The following PSMA1 variants were observed in gnomAD, a reference collection of about 807,000 sequenced individuals.
PSMA1 encodes the protein proteasome subunit alpha type-1.
In PSMA1, 3 loss-of-function variants were observed where a neutral mutation model predicts 38.4. That is an observed-to-expected ratio of 0.08 (90% confidence interval 0.04 to 0.20). The LOEUF is 0.20. PSMA1 is among the 10% of genes least tolerant of loss of function. PSMA1 has a pLI of 1.00. For synonymous variants in PSMA1, 101 were observed against 107.1 expected (o/e 0.94, Z 0.35); for missense variants, 227 against 325.3 (o/e 0.70, Z 2.32).
At chr11:14,548,038 A>ACC (rs1851845961) in intron 2 of PSMA1, among the ~76,000 whole-genome samples, 1 of 151,816 alleles carries the variant, frequency 6.6e-6, no homozygotes, top group South Asian at 2.1e-4. Flanking sequence ...ACACACACAC[A>ACC]CCACACAGAG....
chr11:14,559,941 C>T (rs1040641167), intron 2 of PSMA1, among the ~76,000 whole-genome samples: 16 of 152,106 alleles, frequency 1.1e-4, no homozygotes, highest in Non-Finnish European at 2.2e-4. Flanking sequence ...AGTAGGGTCA[C>T]AACAAAGGTC....
chr11:14,562,862 G>C (rs548730652), intron 2 of PSMA1, among the ~76,000 whole-genome samples: 1 of 152,044 alleles, frequency 6.6e-6, no homozygotes, highest in Non-Finnish European at 1.5e-5. Flanking sequence ...GTGAGCCACC[G>C]GGCCTGGCTG....
At chr11:14,561,081 C>T (rs781759172) in intron 2 of PSMA1, among the ~76,000 whole-genome samples, 4 of 152,008 alleles carry the variant, frequency 2.6e-5, no homozygotes, top group African/African-American at 7.2e-5. Context: ...CATATCACTT[C>T]GTTGCTTAGA....
chr11:14,525,237 A>G (rs1243388101), upstream of PSMA1, among the ~76,000 whole-genome samples: 1 of 152,056 alleles, frequency 6.6e-6, no homozygotes, highest in Non-Finnish European at 1.5e-5. Flanking sequence ...CATTTTAACC[A>G]AATTATCTGC....
At chr11:14,567,437 CTAACTG>C (rs1187074629) in intron 2 of PSMA1, among the ~76,000 whole-genome samples, 15 of 152,310 alleles carry the variant, frequency 9.8e-5, no homozygotes, top group African/African-American at 3.6e-4. Context: ...TAAAGAAGAA[CTAACTG>C]TAACCATGCA....
intron 8 of PSMA1, among the ~76,000 whole-genome samples, chr11:14,508,260 T>G (rs1851280138): frequency 6.6e-6 from 1 of 152,092 alleles, no homozygotes; most frequent in Admixed American, 6.5e-5. Flanking sequence ...GTTCCTATAT[T>G]ACTGCGAAAA....
chr11:14,528,870 AC>A (rs1213016672), intron 2 of PSMA1, among the ~76,000 whole-genome samples: 2 of 152,000 alleles, frequency 1.3e-5, no homozygotes, highest in African/African-American at 4.8e-5. Context: ...TGTGAGATCC[AC>A]CCCCTGCCCC....
intron 2 of PSMA1, among the ~76,000 whole-genome samples, chr11:14,590,355 C>T (rs1852396498): frequency 6.6e-6 from 1 of 151,958 alleles, no homozygotes; most frequent in African/African-American, 2.4e-5. Flanking sequence ...TGTTTTTTAC[C>T]AGAACTTAAA....
chr11:14,606,078 T>C (rs1222536294), intron 2 of PSMA1, among the ~76,000 whole-genome samples: 1 of 152,266 alleles, frequency 6.6e-6, no homozygotes, highest in Non-Finnish European at 1.5e-5. Flanking sequence ...AGGGGCTCAG[T>C]TTCATTGCCC....
intron 2 of PSMA1, among the ~76,000 whole-genome samples, chr11:14,530,764 C>T (rs1408196502): frequency 6.6e-6 from 1 of 151,720 alleles, no homozygotes; most frequent in African/African-American, 2.4e-5. Flanking sequence ...TGGCCAGGTG[C>T]GGTGGTGCAC....
chr11:14,625,820 T>C (rs973367259), intron 1 of PSMA1, among the ~76,000 whole-genome samples: 2 of 152,242 alleles, frequency 1.3e-5, no homozygotes, highest in African/African-American at 4.8e-5. Context: ...TCATAGGCAC[T>C]TTCCACAATA....
chr11:14,632,019 G>A (rs1248686994), intron 1 of PSMA1, among the ~76,000 whole-genome samples: 11 of 140,764 alleles, frequency 7.8e-5, no homozygotes, highest in Non-Finnish European at 1.5e-4. Flanking sequence ...CATTGGCTTG[G>A]TAGATCTTCC....
At chr11:14,631,701 GT>G (rs1853014282) in intron 1 of PSMA1, among the ~76,000 whole-genome samples, 1 of 152,160 alleles carries the variant, frequency 6.6e-6, no homozygotes, top group African/African-American at 2.4e-5. Flanking sequence ...GCAGAGATGA[GT>G]TCAATTCCTG....
chr11:14,531,616 C>T (rs1465076515), intron 2 of PSMA1, among the ~76,000 whole-genome samples: 2 of 152,100 alleles, frequency 1.3e-5, no homozygotes, highest in African/African-American at 2.4e-5. Flanking sequence ...TGTGCCACCA[C>T]ACCCACCTAA....
intron 2 of PSMA1, among the ~76,000 whole-genome samples, chr11:14,596,654 T>C (rs1032970437): frequency 2.6e-5 from 4 of 152,232 alleles, no homozygotes; most frequent in Non-Finnish European, 5.9e-5. Flanking sequence ...GCTGAGACGA[T>C]GGGGTTTTCT....
intron 2 of PSMA1, among the ~76,000 whole-genome samples, chr11:14,570,043 T>A (rs756891063): frequency 6.6e-6 from 1 of 152,192 alleles, no homozygotes; most frequent in African/African-American, 2.4e-5. Flanking sequence ...CAACATTTGC[T>A]GTTCTGCAAT....
exon 2 of PSMA1, chr11:14,611,063 C>T: frequency 6.6e-7 from 1 of 1,516,818 alleles, no homozygotes; most frequent in Non-Finnish European, 9.1e-7. Context: ...TGTCTTTTCC[C>T]AGCCTTGGAG....
At chr11:14,518,960 G>A in intron 2 of PSMA1, 37 bp downstream of exon 2, 1 of 1,498,438 alleles carries the variant, frequency 6.7e-7, no homozygotes, top group African/African-American at 1.4e-5. Flanking sequence ...GCCACAAAAA[G>A]CCACTTCACA....
At chr11:14,626,828 G>C (rs1165015844) in intron 1 of PSMA1, among the ~76,000 whole-genome samples, 1 of 152,162 alleles carries the variant, frequency 6.6e-6, no homozygotes, top group Non-Finnish European at 1.5e-5. Flanking sequence ...AAATAGCTTA[G>C]GATAAGCAGG....
Sources: gnomAD v4.1 joint callset for allele counts (sites outside exome capture counted in the v4.1 genomes callset) on GRCh38, gnomAD v4.1.1 for gene constraint, MANE v1.5 for transcripts, NCBI Gene and HGNC (gene_info 2026-07-23, HGNC 2026-07-21) for gene names.